Variants in C10orf90 observed in about 807,000 individuals in gnomAD.
C10orf90 encodes the protein chromosome 10 open reading frame 90.
In C10orf90, 56 loss-of-function variants were observed where a neutral mutation model predicts 62.5. That is an observed-to-expected ratio of 0.90 (90% CI 0.72 to 1.12). The LOEUF is 1.12. Among genes scored for constraint, C10orf90 ranks in the 50% most tolerant of loss-of-function variants. The pLI is 0.00. For missense variants in C10orf90, 970 were observed against 880.4 expected (o/e 1.10, Z -1.29); for synonymous variants, 386 against 340.4 (o/e 1.13, Z -1.47).
intron 4 of C10orf90, among the ~76,000 whole-genome samples, chr10:126,502,189 C>T (rs1018344793): frequency 7.2e-5 from 11 of 152,110 alleles, no homozygotes; most frequent in African/African-American, 2.7e-4. Flanking sequence ...CCTAAAATCT[C>T]AGAATTCACC....
intron 3 of C10orf90, 54 bp from the exon 4 acceptor site, chr10:126,505,139 G>A: frequency 7.2e-6 from 11 of 1,528,672 alleles, no homozygotes; most frequent in Non-Finnish European, 9.6e-6. Context: ...AATATAGACA[G>A]TAAACTCTCT....
rs3040780 is a variant in C10orf90, at chr10:126,526,023, A to AACACACACACACACACAC, written c.314-12102_314-12085dup. On this transcript the variant is annotated intron_variant, in intron 2 of 9. Transcript: ENST00000488181. Reference sequence around the variant, plus strand: ...TAAATAGCTTGTCCACACCTGCCACAACACACACACACACACACACACACA... The same window carrying AACACACACACACACACAC: ...TAAATAGCTTGTCCACACCTGCCACAACACACACACACACACACACACACACACACACACACACACACA... Among the ~76,000 whole-genome samples, 130 of 139,026 alleles carry AACACACACACACACACAC rather than the reference A, an allele frequency of 9.4e-4. 1 individual carries two copies. The highest frequency in any genetic ancestry group is 3.2e-3 in the African/African-American group (117 of 37,136). 91.2% of individuals were successfully genotyped at this position (139,026 alleles called of 152,430 possible).
At chr10:126,568,807 AG>A (rs1484382245) in intron 2 of C10orf90, among the ~76,000 whole-genome samples, 1 of 152,122 alleles carries the variant, frequency 6.6e-6, no homozygotes, top group Admixed American at 6.5e-5. Context: ...GTAACTGGAG[AG>A]GAGTTCACCT....
intron 7 of C10orf90, among the ~76,000 whole-genome samples, chr10:126,445,374 A>G (rs993919992): frequency 6.6e-6 from 1 of 152,198 alleles, no homozygotes; most frequent in African/African-American, 2.4e-5. Context: ...GACAATTCTC[A>G]AAAGAAGATA....
chr10:126,510,734 C>T (rs1863059094), intron 3 of C10orf90, among the ~76,000 whole-genome samples: 1 of 152,192 alleles, frequency 6.6e-6, no homozygotes, highest in South Asian at 2.1e-4. Context: ...TTTTGTAGTG[C>T]TGGTAACTGC....
chr10:126,445,826 T>TATATATATATATATATATATATATATAC (rs57867349), intron 7 of C10orf90, among the ~76,000 whole-genome samples: 1 of 144,824 alleles, frequency 6.9e-6, no homozygotes, highest in East Asian at 2.3e-4. Flanking sequence ...TATATATATA[T>TATATATATATATATATATATATATATAC]ACAATGGAAT....
intron 2 of C10orf90, among the ~76,000 whole-genome samples, chr10:126,588,448 T>C (rs1350020082): frequency 6.6e-6 from 1 of 152,034 alleles, no homozygotes. Flanking sequence ...ATCAGATTGG[T>C]GGTTCCTAGG....
chr10:126,607,995 T>C (rs1257436127), intron 2 of C10orf90, among the ~76,000 whole-genome samples: 1 of 152,106 alleles, frequency 6.6e-6, no homozygotes, highest in Non-Finnish European at 1.5e-5. Flanking sequence ...AAAGAGGGAA[T>C]GGGGAATTGT....
intron 7 of C10orf90, among the ~76,000 whole-genome samples, chr10:126,434,368 G>C (rs1290085390): frequency 1.3e-5 from 2 of 152,190 alleles, no homozygotes; most frequent in Non-Finnish European, 2.9e-5. Context: ...GAGCTGGGCT[G>C]TTTTTCCTCC....
chr10:126,614,601 T>C (rs571487889), intron 2 of C10orf90, among the ~76,000 whole-genome samples: 71 of 152,280 alleles, frequency 4.7e-4, no homozygotes, highest in Non-Finnish European at 6.2e-4. Flanking sequence ...TCTACCATGC[T>C]TAAGGTGGTT....
chr10:126,506,722 C>CA (rs2133894627), intron 3 of C10orf90, among the ~76,000 whole-genome samples: 2 of 152,318 alleles, frequency 1.3e-5, no homozygotes, highest in South Asian at 4.1e-4. Context: ...CTGGTCTTCT[C>CA]AAGACAACAC....
chr10:126,601,664 C>A (rs1845200100), intron 2 of C10orf90, among the ~76,000 whole-genome samples: 1 of 152,040 alleles, frequency 6.6e-6, no homozygotes, highest in African/African-American at 2.4e-5. Context: ...CTAATTATAC[C>A]CTAGAATTCA....
chr10:126,558,689 A>C (rs1355968126), intron 2 of C10orf90, among the ~76,000 whole-genome samples: 1 of 152,196 alleles, frequency 6.6e-6, no homozygotes, highest in African/African-American at 2.4e-5. Context: ...TGTGGCTCCC[A>C]TGTCAAACTC....
At chr10:126,557,479 C>CAA (rs11413093) in intron 2 of C10orf90, among the ~76,000 whole-genome samples, 7,808 of 131,442 alleles carry the variant, frequency 0.059, 603 homozygotes, top group African/African-American at 0.17. Flanking sequence ...GACTCCATCT[C>CAA]AAAAAAAAAA....
At chr10:126,554,878 A>G (rs1864723576) in intron 2 of C10orf90, among the ~76,000 whole-genome samples, 1 of 152,260 alleles carries the variant, frequency 6.6e-6, no homozygotes. Flanking sequence ...AAGGAAAGAA[A>G]TGCAGACAGG....
At chr10:126,603,149 T>G (rs2134043722) in intron 2 of C10orf90, among the ~76,000 whole-genome samples, 1 of 151,590 alleles carries the variant, frequency 6.6e-6, no homozygotes, top group South Asian at 2.2e-4. Flanking sequence ...TATTAGTCCG[T>G]TCTCACGCTG....
At chr10:126,667,675 C>T (rs757178905) in intron 1 of C10orf90, among the ~76,000 whole-genome samples, 39 of 152,130 alleles carry the variant, frequency 2.6e-4, no homozygotes, top group Non-Finnish European at 4.6e-4. Flanking sequence ...CCCAAGCTGG[C>T]AAAACCACGC....
intron 4 of C10orf90, among the ~76,000 whole-genome samples, chr10:126,471,714 TCA>T (rs1438029011): frequency 2.6e-5 from 4 of 152,124 alleles, no homozygotes; most frequent in African/African-American, 9.7e-5. Flanking sequence ...ACGTAAAGAC[TCA>T]CATGTAGTTG....
At chr10:126,583,667 C>T (rs940221210) in intron 2 of C10orf90, among the ~76,000 whole-genome samples, 1 of 152,166 alleles carries the variant, frequency 6.6e-6, no homozygotes, top group Non-Finnish European at 1.5e-5. Context: ...CTCTGCCCCC[C>T]ACCTTGCCAC....
Sources: gnomAD v4.1 joint callset for allele counts (sites outside exome capture counted in the v4.1 genomes callset) on GRCh38, gnomAD v4.1.1 for gene constraint, MANE v1.5 for transcripts, NCBI Gene and HGNC (gene_info 2026-07-23, HGNC 2026-07-21) for gene names.